The following AZI2 variants were observed in gnomAD, a reference collection of about 807,000 sequenced individuals.
AZI2 encodes 5-azacytidine induced 2.
In AZI2, 22 loss-of-function variants were observed where a neutral mutation model predicts 45.8. The ratio of observed to expected loss-of-function variants is 0.48; its 90% CI spans 0.34 to 0.69. AZI2 has a LOEUF of 0.69. Among genes scored for constraint, AZI2 ranks in the 30% least tolerant of loss-of-function variants. AZI2 has a pLI of 0.01. For synonymous variants in AZI2, 137 were observed against 156.7 expected (o/e 0.87, Z 0.94); for missense variants, 417 against 441.5 (o/e 0.94, Z 0.50).
At chr3:28,333,473 C>T (rs1471679477) in intron 5 of AZI2, among the ~76,000 whole-genome samples, 1 of 151,512 alleles carries the variant, frequency 6.6e-6, no homozygotes, top group African/African-American at 2.4e-5. Flanking sequence ...GGAATCTGAT[C>T]AGATCACTTT....
At position 28,321,734 on chromosome 3, in the gene AZI2, A is replaced by C. The variant is rs928070854; in HGVS notation, c.*2308T>G. The C allele has an allele frequency of 1.3e-5, 2 of 151,260 alleles. No homozygotes were observed. The highest frequency in any genetic ancestry group is 4.8e-5 in the African/African-American group (2 of 41,330). The allele number at this position is 151,260 out of a possible 1,614,324, so 9.4% of individuals were successfully genotyped here. A position where few individuals can be genotyped will look rare whatever the true frequency, so the allele number is the denominator to read the frequency against. ...TTTTCCCATTTATTTTGGTTTTCTA[A>C]TGTTTCACATAGGCATGTTCCTGCT... On this transcript the variant is annotated 3_prime_UTR_variant, in exon 8 of 8. Coordinates refer to ENST00000479665, the MANE Select transcript of AZI2 (RefSeq NM_022461.5).
rs376829397 is a variant in AZI2, at chr3:28,338,482, A to C, written c.339+11T>G. 39 of 1,531,936 alleles carry C rather than the reference A, an allele frequency of 2.5e-5. No homozygotes were observed. The highest frequency in any genetic ancestry group is 2.2e-4 in the South Asian group (17 of 77,516). The allele number at this position is 1,531,936 out of a possible 1,614,324, so 94.9% of individuals were successfully genotyped here. A position where few individuals can be genotyped will look rare whatever the true frequency, so the allele number is the denominator to read the frequency against. On this transcript the variant is annotated intron_variant, in intron 3 of 7. Coordinates refer to ENST00000479665, the MANE Select transcript of AZI2 (RefSeq NM_022461.5). ...CAAAATGCAGATGTCATTCGCTTCA[A>C]ATCAACTTACCATTTTGTCCAGTTT...
At chr3:28,347,899 C>T (rs1240888964) in intron 1 of AZI2, among the ~76,000 whole-genome samples, 2 of 152,200 alleles carry the variant, frequency 1.3e-5, no homozygotes, top group African/African-American at 4.8e-5. Flanking sequence ...ATGTCTTCTA[C>T]ACATAAGGCG....
Position 28,336,772 on chromosome 3 carries a change from C to A in AZI2, c.553G>T (p.Asp185Tyr). 6.2e-7 allele frequency: 1 copy of A among 1,613,120 alleles called. No individual in the cohort carries two copies. ...ELELMRKECS[D>Y]LKIELQKAKQ... is the part of the protein sequence containing the mutation. ...GCTTTCTGTAGTTCTATTTTGAGAT[C>A]GCTACATTCTTTCCTCATCAGTTCC... The change falls in exon 5 of 8, where the codon GAT becomes TAT. Residue 185 changes from aspartate (D) to tyrosine (Y), a missense_variant. By Grantham distance (160) the Asp-to-Tyr change is radical. Coordinates refer to ENST00000479665, the MANE Select transcript of AZI2 (RefSeq NM_022461.5).
Position 28,324,288 on chromosome 3 carries a change from T to C in AZI2, c.933A>G (p.Ser311=). 1 of 1,608,332 alleles carries C rather than the reference T, an allele frequency of 6.2e-7. No individual in the cohort carries two copies. The highest frequency in any genetic ancestry group is 8.5e-7 in the Non-Finnish European group (1 of 1,176,162). Residue 311 remains serine (S), a synonymous_variant, in exon 8 of 8, where the codon TCA becomes TCG. Transcript: ENST00000479665. ...SPLPGDVKVL[S]EKAILQSWTD... ...TCCATGATTGGAGGATTGCTTTCTC[T>C]GATAAAACCTTTACATCTCCTGGTA...
At position 28,346,247 on chromosome 3, in the gene AZI2, G is replaced by C. The variant is rs188872292; in HGVS notation, c.-6+2354C>G. Among the ~76,000 whole-genome samples, 72 of 152,198 alleles carry C rather than the reference G, an allele frequency of 4.7e-4. 1 individual carries two copies. The highest frequency in any genetic ancestry group is 1.7e-3 in the African/African-American group (70 of 41,526). On this transcript the variant is annotated intron_variant, in intron 1 of 7. Transcript: ENST00000479665. Reference sequence around the variant, plus strand: ...TCTAGGATTTGCAACCCTGATTATAGTTTAGTTCGCTTTACCTCTCTAGAT... The same window carrying C: ...TCTAGGATTTGCAACCCTGATTATACTTTAGTTCGCTTTACCTCTCTAGAT...
intron 5 of AZI2, among the ~76,000 whole-genome samples, chr3:28,333,880 A>G (rs1238821266): frequency 6.6e-6 from 1 of 151,588 alleles, no homozygotes; most frequent in Non-Finnish European, 1.5e-5. Flanking sequence ...TTAATATACT[A>G]CAGTACACTG....
chr3:28,328,428 T>C lies in AZI2; in HGVS notation c.648-1478A>G, dbSNP rs140730646. On this transcript the variant is annotated intron_variant, in intron 6 of 7. Transcript: ENST00000479665. Reference sequence around the variant, plus strand: ...ATTCATTCAGTCATGGTATGAATAATACAGCTTAAAAATAGTTTATTATTG... The same window carrying C: ...ATTCATTCAGTCATGGTATGAATAACACAGCTTAAAAATAGTTTATTATTG... Among the ~76,000 whole-genome samples the C allele has an allele frequency of 6.3e-4, 95 of 151,314 alleles. 1 individual carries two copies. In the East Asian group the frequency reaches 8.2e-3, roughly 13 times the overall value.
chr3:28,338,759 C>A, intron 2 of AZI2, 144 bp from the exon 3 acceptor site: 1 of 763,068 alleles, frequency 1.3e-6, no homozygotes, highest in Middle Eastern at 4.1e-4. Context: ...TTCATTTCCA[C>A]AAATTAATCT....
chr3:28,334,767 A>G (rs1382422686), intron 5 of AZI2, among the ~76,000 whole-genome samples: 6 of 152,044 alleles, frequency 3.9e-5, no homozygotes, highest in Non-Finnish European at 8.8e-5. Flanking sequence ...AATGCTAAGA[A>G]TAGAAATTTC....
intron 1 of AZI2, among the ~76,000 whole-genome samples, chr3:28,342,572 A>G (rs1704060221): frequency 2.0e-5 from 3 of 152,062 alleles, no homozygotes; most frequent in Admixed American, 1.3e-4. Context: ...GATATTCCAA[A>G]ATAAGAGCAA....
chr3:28,340,344 A>T, intron 2 of AZI2, 58 bp downstream of exon 2: 1 of 1,159,062 alleles, frequency 8.6e-7, no homozygotes, highest in Non-Finnish European at 1.2e-6. Flanking sequence ...CAAAATTTCA[A>T]GTATTTTGAA....
chr3:28,342,133 TATATC>T (rs1303793782), intron 1 of AZI2, among the ~76,000 whole-genome samples: 1 of 152,096 alleles, frequency 6.6e-6, no homozygotes, highest in African/African-American at 2.4e-5. Flanking sequence ...GGTCTGGTCT[TATATC>T]ATTATATTTT....
At chr3:28,338,645 TAA>T (rs987741182) in intron 2 of AZI2, 30 bp from the exon 3 acceptor site, 4 of 1,587,260 alleles carry the variant, frequency 2.5e-6, no homozygotes, top group Non-Finnish European at 3.4e-6. Context: ...AGAGAAAGCT[TAA>T]GAGAGTATTC....
intron 1 of AZI2, among the ~76,000 whole-genome samples, chr3:28,344,065 A>G (rs1347673343): frequency 1.3e-5 from 2 of 152,030 alleles, no homozygotes; most frequent in Non-Finnish European, 2.9e-5. Context: ...CACTATAAAC[A>G]TTACTTAGAA....
At chr3:28,333,510 T>A (rs1453068588) in intron 5 of AZI2, among the ~76,000 whole-genome samples, 12 of 147,266 alleles carry the variant, frequency 8.1e-5, no homozygotes, top group Admixed American at 7.6e-4. Flanking sequence ...TGAATTAAAA[T>A]TTTTTTTTTA....
At chr3:28,342,582 A>C (rs1704061168) in intron 1 of AZI2, among the ~76,000 whole-genome samples, 2 of 152,066 alleles carry the variant, frequency 1.3e-5, no homozygotes, top group African/African-American at 4.8e-5. Context: ...AATAAGAGCA[A>C]ACATCATTCC....
chr3:28,342,430 C>CA (rs1218081665), intron 1 of AZI2, among the ~76,000 whole-genome samples: 1 of 151,816 alleles, frequency 6.6e-6, no homozygotes, highest in Non-Finnish European at 1.5e-5. Flanking sequence ...TACAGTATAC[C>CA]AAAAAAGTGG....
At chr3:28,326,744 T>C in intron 7 of AZI2, 88 bp downstream of exon 7, 1 of 1,012,080 alleles carries the variant, frequency 9.9e-7, no homozygotes, top group East Asian at 2.4e-5. Context: ...CAATCTCTCA[T>C]TTGATGAGAT....
Sources: gnomAD v4.1 joint callset for allele counts (sites outside exome capture counted in the v4.1 genomes callset) on GRCh38, gnomAD v4.1.1 for gene constraint, MANE v1.5 for transcripts, NCBI Gene and HGNC (gene_info 2026-07-23, HGNC 2026-07-21) for gene names.